TNRC6C: variants seen among roughly 807,000 people sequenced by gnomAD.
The protein encoded by TNRC6C is trinucleotide repeat-containing gene 6C protein.
Under a neutral mutation model 153.7 loss-of-function variants are expected in TNRC6C, and 20 were observed. The observed-to-expected ratio is 0.13, with a 90% CI of 0.09 to 0.19. The LOEUF (loss-of-function observed/expected upper bound fraction) is 0.19. Ranked by LOEUF, TNRC6C falls within the 10% of genes least tolerant of loss-of-function variation. The pLI, the probability that TNRC6C is intolerant of heterozygous loss-of-function variation, is 1.00. For missense variants in TNRC6C, 1,987 were observed against 2,172.0 expected (o/e 0.91, Z 1.69); for synonymous variants, 811 against 841.4 (o/e 0.96, Z 0.63).
intron 1 of TNRC6C, among the ~76,000 whole-genome samples, chr17:78,013,978 A>T (rs1234586850): frequency 6.6e-6 from 1 of 152,222 alleles, no homozygotes; most frequent in Non-Finnish European, 1.5e-5. Context: ...AAATAAGGCC[A>T]ATTTCTCTCC....
At chr17:78,028,100 GT>G (rs1326237276) in intron 1 of TNRC6C, among the ~76,000 whole-genome samples, 1 of 151,996 alleles carries the variant, frequency 6.6e-6, no homozygotes, top group Non-Finnish European at 1.5e-5. Context: ...GGGTTTCACC[GT>G]GTTAGTCAGG....
intron 1 of TNRC6C, among the ~76,000 whole-genome samples, chr17:77,985,695 G>A (rs2144123581): frequency 1.3e-5 from 2 of 152,128 alleles, no homozygotes; most frequent in East Asian, 3.9e-4. Flanking sequence ...CAAATTTAAA[G>A]GGTTAATCGG....
At chr17:77,997,883 T>C (rs1452031545) in intron 1 of TNRC6C, among the ~76,000 whole-genome samples, 2 of 152,192 alleles carry the variant, frequency 1.3e-5, no homozygotes, top group Non-Finnish European at 2.9e-5. Flanking sequence ...CTCGATGTCC[T>C]GACCTCGTGA....
chr17:78,050,194 G>A (rs766842690), exon 3 of TNRC6C: 1 of 1,543,614 alleles, frequency 6.5e-7, no homozygotes, highest in East Asian at 2.3e-5. Flanking sequence ...CGTACAGCCT[G>A]GTGGTGAACA....
intron 13 of TNRC6C, among the ~76,000 whole-genome samples, chr17:78,090,730 C>T (rs1396264544): frequency 6.6e-6 from 1 of 152,206 alleles, no homozygotes; most frequent in Non-Finnish European, 1.5e-5. Flanking sequence ...CCAGAAGCCT[C>T]AGCTCACCAT....
At chr17:77,973,207 A>G (rs980285576) in intron 1 of TNRC6C, among the ~76,000 whole-genome samples, 2 of 152,088 alleles carry the variant, frequency 1.3e-5, no homozygotes, top group African/African-American at 2.4e-5. Context: ...CGCCTGGGCA[A>G]TACACCATAT....
At position 78,102,470 on chromosome 17, in the gene TNRC6C, G is replaced by A. The variant is rs779700783; in HGVS notation, c.4502-4G>A. On this transcript the variant is annotated splice_region_variant and splice_polypyrimidine_tract_variant and intron_variant, in intron 17 of 19. Transcript: ENST00000301624. ...GTCAACCAGGTTCTCCCCTCTTGTT[G>A]CAGGTTCTGCCTGGAGCACCGACAC... 1.9e-6 allele frequency: 3 copies of A among 1,605,124 alleles called. No individual in the cohort carries two copies. Among genetic ancestry groups the A allele is most frequent in the African/African-American group, 2.7e-5 (2 of 74,822 alleles).
At chr17:78,097,943 A>G (rs374583388) in intron 16 of TNRC6C, 82 bp downstream of exon 19, 49 of 1,158,244 alleles carry the variant, frequency 4.2e-5, no homozygotes, top group Middle Eastern at 2.0e-4. Context: ...AGCTTTTCCT[A>G]TTGGCTCTTT....
intron 1 of TNRC6C, among the ~76,000 whole-genome samples, chr17:77,974,232 A>G (rs539555787): frequency 6.6e-6 from 1 of 152,334 alleles, no homozygotes; most frequent in African/African-American, 2.4e-5. Flanking sequence ...ACCCAATTTT[A>G]AAATGGGCGA....
In TNRC6C at chr17:78,103,470, C is replaced by T. The variant is rs780849118; in HGVS notation, c.4629C>T (p.Phe1543=). ...TGCAACATGGGCCTCTTATCACATT[C>T]CACCTGAATCTGACTCAAGGCAATG... The change falls in exon 19 of 20, where the codon TTC becomes TTT. Residue 1543 remains phenylalanine (F), a synonymous_variant. Coordinates refer to ENST00000301624, the Ensembl canonical transcript of TNRC6C. 96 of 1,613,926 alleles carry T rather than the reference C, an allele frequency of 5.9e-5. No homozygotes were observed. The East Asian group carries it at 2.1e-3, about 36-fold the overall frequency.
intron 1 of TNRC6C, among the ~76,000 whole-genome samples, chr17:78,025,153 C>CT (rs2071916032): frequency 6.6e-6 from 1 of 152,152 alleles, no homozygotes; most frequent in African/African-American, 2.4e-5. Context: ...TGTTATATAT[C>CT]TATGGGTTTT....
chr17:78,065,285 A>T (rs1488711143), intron 4 of TNRC6C, among the ~76,000 whole-genome samples: 6 of 151,910 alleles, frequency 3.9e-5, no homozygotes, highest in Admixed American at 3.9e-4. Flanking sequence ...CCGGGAGGTT[A>T]AGACTGCCCT....
At chr17:77,979,702 A>T (rs968763888) in intron 1 of TNRC6C, among the ~76,000 whole-genome samples, 3 of 152,206 alleles carry the variant, frequency 2.0e-5, no homozygotes, top group African/African-American at 7.2e-5. Context: ...CAAAACTAAT[A>T]CAGACTTGCA....
intron 6 of TNRC6C, among the ~76,000 whole-genome samples, chr17:78,072,158 C>T (rs1050965803): frequency 6.6e-6 from 1 of 152,336 alleles, no homozygotes. Flanking sequence ...CTGTATTGGG[C>T]AGGGCATTGT....
chr17:78,073,072 T>C, exon 7 of TNRC6C: 1 of 1,557,166 alleles, frequency 6.4e-7, no homozygotes, highest in Non-Finnish European at 8.7e-7. Context: ...AGAGTAACAA[T>C]ATGAATCTTG....
intron 1 of TNRC6C, among the ~76,000 whole-genome samples, chr17:77,983,762 T>C (rs190909014): frequency 2.4e-4 from 37 of 152,344 alleles, no homozygotes; most frequent in Non-Finnish European, 4.6e-4. Flanking sequence ...GTATTAACTT[T>C]GCTTTTTCCC....
chr17:78,026,456 A>C (rs980168134), intron 1 of TNRC6C, among the ~76,000 whole-genome samples: 1 of 152,244 alleles, frequency 6.6e-6, no homozygotes, highest in Non-Finnish European at 1.5e-5. Context: ...ACTAAGAAAA[A>C]AATTGCCAGT....
intron 11 of TNRC6C, among the ~76,000 whole-genome samples, chr17:78,083,845 A>G (rs1336076232): frequency 6.6e-6 from 1 of 152,116 alleles, no homozygotes; most frequent in African/African-American, 2.4e-5. Flanking sequence ...AGTCTTACTG[A>G]TTTTACTATA....
At chr17:77,962,042 G>C (rs2070866743) in intron 1 of TNRC6C, among the ~76,000 whole-genome samples, 2 of 152,162 alleles carry the variant, frequency 1.3e-5, no homozygotes, top group African/African-American at 2.4e-5. Flanking sequence ...CTGCAGTGCT[G>C]GCTGGGAATG....
Sources: allele counts gnomAD v4.1 joint callset (sites outside exome capture counted in the v4.1 genomes callset), GRCh38; gene constraint gnomAD v4.1.1; transcripts MANE v1.5; gene names NCBI Gene and HGNC (gene_info 2026-07-23, HGNC 2026-07-21).